Variants in ANK3 observed in about 807,000 individuals in gnomAD.
ANK3 encodes ankyrin-3.
Under a neutral mutation model 370.9 loss-of-function variants are expected in ANK3, and 57 were observed. That is an observed-to-expected ratio of 0.15 (90% CI 0.12 to 0.19). The LOEUF (loss-of-function observed/expected upper bound fraction) is 0.19. Ranked by LOEUF, ANK3 falls within the 10% of genes least tolerant of loss-of-function variation. ANK3 has a pLI of 1.00. For synonymous variants in ANK3, 1,929 were observed against 1,946.3 expected (o/e 0.99, Z 0.23); for missense variants, 4,439 against 5,302.1 (o/e 0.84, Z 5.06).
chr10:60,668,625 G>A (rs1323175377), intron 1 of ANK3, among the ~76,000 whole-genome samples: 1 of 152,116 alleles, frequency 6.6e-6, no homozygotes, highest in Admixed American at 6.6e-5. Context: ...GGAGATGGGA[G>A]GAAGTTTCAA....
At chr10:60,349,508 T>TG (rs994222724) in intron 1 of ANK3, among the ~76,000 whole-genome samples, 7 of 18,100 alleles carry the variant, frequency 3.9e-4, no homozygotes, top group Admixed American at 8.6e-4. Context: ...TAGAACCACA[T>TG]TTTTTTTTAA....
In ANK3 at chr10:60,074,297, T is replaced by A. The variant is rs2083344533; in HGVS notation, c.6584A>T (p.Lys2195Ile). ...QTQPEEPVSP[K>I]PSPTFMELEP... Reference sequence around the variant, plus strand: ...CAATTCCATAAAAGTAGGTGAAGGTTTAGGTGACACAGGCTCCTCTGGTTG... The same window carrying A: ...CAATTCCATAAAAGTAGGTGAAGGTATAGGTGACACAGGCTCCTCTGGTTG... The change falls in exon 37 of 44, where the codon AAA becomes ATA. Residue 2195 changes from lysine to isoleucine, a missense_variant. Lys to Ile is a moderately radical substitution (Grantham distance 102). Around this residue, in one of 13 missense-constraint regions of ANK3, gnomAD observed 1,601 missense variants for 1,731.7 expected, o/e 0.92. Coordinates refer to ENST00000280772, the MANE Select transcript of ANK3 (RefSeq NM_020987.5). 2.5e-6 allele frequency: 4 copies of A among 1,614,050 alleles called. No individual in the cohort carries two copies. The highest frequency in any genetic ancestry group is 3.4e-6 in the Non-Finnish European group (4 of 1,179,996).
intron 8 of ANK3, among the ~76,000 whole-genome samples, chr10:60,218,918 C>A (rs2132478461): frequency 6.6e-6 from 1 of 152,022 alleles, no homozygotes; most frequent in South Asian, 2.1e-4. Flanking sequence ...TTCTCATATT[C>A]TAGTAGTAGG....
In ANK3 at chr10:60,072,571, G is replaced by A. The variant is rs267602537; in HGVS notation, c.8310C>T (p.Ala2770=). The A allele has an allele frequency of 6.2e-7, 1 of 1,613,512 alleles. No individual in the cohort carries two copies. Among genetic ancestry groups the A allele is most frequent in the Non-Finnish European group, 8.5e-7 (1 of 1,179,870 alleles). ...ATACACTTTCATCTGGGAGGTCTATGGCCTTCTGCTGTTTTTCTCTAGCAA... is the reference window on the plus strand; with the variant it reads ...ATACACTTTCATCTGGGAGGTCTATAGCCTTCTGCTGTTTTTCTCTAGCAA... The part of the protein sequence containing the change: ...QVFAREKQQK[A]IDLPDESVSV... The change falls in exon 37 of 44, where the codon GCC becomes GCT. Residue 2770 remains alanine (A), a synonymous_variant. Coordinates refer to ENST00000280772, the MANE Select transcript of ANK3 (RefSeq NM_020987.5).
chr10:60,660,275 C>T (rs1157291319), intron 1 of ANK3, among the ~76,000 whole-genome samples: 1 of 152,106 alleles, frequency 6.6e-6, no homozygotes, highest in Non-Finnish European at 1.5e-5. Context: ...ATGAATATGT[C>T]AAATATTTAC....
intron 8 of ANK3, among the ~76,000 whole-genome samples, chr10:60,229,431 C>A (rs984644187): frequency 1.3e-5 from 2 of 152,142 alleles, no homozygotes; most frequent in Non-Finnish European, 2.9e-5. Context: ...TAACTTTGGA[C>A]AATCACATCC....
intron 28 of ANK3, among the ~76,000 whole-genome samples, chr10:60,101,320 TCTA>T (rs2091230138): frequency 6.6e-6 from 1 of 152,156 alleles, no homozygotes; most frequent in Non-Finnish European, 1.5e-5. Context: ...AAGGACCTCT[TCTA>T]CTAGAAAATT....
intron 2 of ANK3, among the ~76,000 whole-genome samples, chr10:60,454,180 G>A (rs2064684936): frequency 6.6e-6 from 1 of 152,142 alleles, no homozygotes; most frequent in African/African-American, 2.4e-5. Context: ...TATAGGTGCT[G>A]AACTGTTATG....
Position 60,069,073 on chromosome 10 carries a change from C to T in ANK3, c.11808G>A (p.Gly3936=), listed in dbSNP as rs1339421179. 11 of 1,614,074 alleles carry T rather than the reference C, an allele frequency of 6.8e-6. No individual in the cohort carries two copies. In the Admixed American group the frequency reaches 1.7e-4, roughly 24 times the overall value. ...VRKACATQKQ[G]QPEKGKAKQL... is the part of the protein sequence containing the mutation. ...GTTTGGCCTTGCCTTTCTCTGGCTG[C>T]CCTTGCTTTTGTGTGGCACATGCTT... The change falls in exon 37 of 44, where the codon GGG becomes GGA. Residue 3936 remains glycine (G), a synonymous_variant. Transcript: ENST00000280772.
chr10:60,265,665 G>T (rs1212034498), intron 5 of ANK3, among the ~76,000 whole-genome samples: 1 of 152,032 alleles, frequency 6.6e-6, no homozygotes, highest in Non-Finnish European at 1.5e-5. Flanking sequence ...GTAAAGAAAA[G>T]CATTTGGAAA....
intron 2 of ANK3, among the ~76,000 whole-genome samples, chr10:60,600,958 T>C (rs950176717): frequency 6.6e-5 from 10 of 152,040 alleles, no homozygotes; most frequent in Non-Finnish European, 1.5e-5. Flanking sequence ...AGAAACATAT[T>C]TGAAAACAAA....
intron 1 of ANK3, among the ~76,000 whole-genome samples, chr10:60,344,387 T>G (rs1371277816): frequency 1.3e-5 from 2 of 152,216 alleles, no homozygotes; most frequent in African/African-American, 2.4e-5. Context: ...ATAATATAGT[T>G]ACTAATCCAG....
At position 60,606,623 on chromosome 10, in the gene ANK3, C is replaced by A. The variant is rs137908840; in HGVS notation, c.96+8563G>T. ...GCCTTTGTTTGGCCACATTTGACAT[C>A]ATTGGAAAAAACTGTTGAGTTTACT... On this transcript the variant is annotated intron_variant, in intron 2 of 43. Coordinates refer to the ANK3 transcript ENST00000373827. Among the ~76,000 whole-genome samples, 765 of 152,210 alleles carry A rather than the reference C, an allele frequency of 5.0e-3. 3 individuals carry two copies. The highest frequency in any genetic ancestry group is 0.014 in the African/African-American group (594 of 41,540).
At chr10:60,324,646 C>T (rs892145749) in intron 1 of ANK3, among the ~76,000 whole-genome samples, 2 of 152,110 alleles carry the variant, frequency 1.3e-5, no homozygotes, top group Non-Finnish European at 2.9e-5. Context: ...CCCAGAGACC[C>T]GTAAGTCTCC....
At chr10:60,228,478 G>A (rs1321962244) in intron 8 of ANK3, among the ~76,000 whole-genome samples, 1 of 148,618 alleles carries the variant, frequency 6.7e-6, no homozygotes. Context: ...GTTGCAGTGA[G>A]CTGAGATTGC....
rs545074549 is a variant in ANK3 at position 60,413,177 on chromosome 10, A to C, written c.97-133538T>G. Among the ~76,000 whole-genome samples, 25 of 152,372 alleles carry C rather than the reference A, an allele frequency of 1.6e-4. No homozygotes were observed. In the East Asian group the frequency reaches 4.6e-3, roughly 28 times the overall value. On this transcript the variant is annotated intron_variant, in intron 2 of 43. Coordinates refer to the ANK3 transcript ENST00000373827. ...TTCTTCCTCAGTAAAGTTTTATGAC[A>C]TTGAATGAAGACTTTATTTTGGCCA... is the stretch of plus-strand genomic sequence containing the variant.
chr10:60,597,784 A>G (rs1217412476), intron 2 of ANK3, among the ~76,000 whole-genome samples: 2 of 152,180 alleles, frequency 1.3e-5, no homozygotes, highest in African/African-American at 4.8e-5. Context: ...AGGAGAATAA[A>G]ATCTCCTTGA....
chr10:60,421,223 G>T (rs1443843958), intron 2 of ANK3, among the ~76,000 whole-genome samples: 1 of 152,066 alleles, frequency 6.6e-6, no homozygotes, highest in East Asian at 1.9e-4. Flanking sequence ...TATGTTTGGG[G>T]TGATAAAAGA....
At chr10:60,686,081 T>A (rs2079263928) in intron 1 of ANK3, among the ~76,000 whole-genome samples, 1 of 152,118 alleles carries the variant, frequency 6.6e-6, no homozygotes, top group African/African-American at 2.4e-5. Flanking sequence ...CTGATATCAA[T>A]TTTTTCAGAA....
Sources: gnomAD v4.1 joint callset for allele counts (sites outside exome capture counted in the v4.1 genomes callset) on GRCh38, gnomAD v4.1.1 for gene constraint, gnomAD v4.1.1 regional missense constraint, MANE v1.5 for transcripts, NCBI Gene and HGNC (gene_info 2026-07-23, HGNC 2026-07-21) for gene names.